PRMT3: variants seen among roughly 807,000 people sequenced by gnomAD.
PRMT3 encodes the protein protein arginine N-methyltransferase 3.
PRMT3 carries 62 observed loss-of-function variants against 71.9 expected under a neutral mutation model. The ratio of observed to expected loss-of-function variants is 0.86; its 90% CI spans 0.70 to 1.07. The LOEUF (loss-of-function observed/expected upper bound fraction) is 1.07. PRMT3 is among the 50% of genes least tolerant of loss of function. The pLI is 0.00. For synonymous variants in PRMT3, 213 were observed against 220.4 expected (o/e 0.97, Z 0.30); for missense variants, 663 against 643.0 (o/e 1.03, Z -0.34).
chr11:20,413,583 G>A (rs1002760356), intron 9 of PRMT3, among the ~76,000 whole-genome samples: 1 of 152,064 alleles, frequency 6.6e-6, no homozygotes, highest in African/African-American at 2.4e-5. Flanking sequence ...TATTAGTAGT[G>A]GTCATCTGTT....
intron 15 of PRMT3, among the ~76,000 whole-genome samples, chr11:20,504,378 CA>C (rs1002831338): frequency 2.3e-4 from 35 of 152,236 alleles, no homozygotes; most frequent in African/African-American, 7.7e-4. Context: ...GCCTTTAAGA[CA>C]GTCTTTATAA....
intron 10 of PRMT3, among the ~76,000 whole-genome samples, chr11:20,439,417 C>T (rs1170904109): frequency 6.6e-6 from 1 of 152,250 alleles, no homozygotes; most frequent in East Asian, 1.9e-4. Context: ...TTGTGCTCAC[C>T]AGCGTTTCTG....
chr11:20,502,937 C>G (rs1851492567), intron 15 of PRMT3, among the ~76,000 whole-genome samples: 1 of 151,994 alleles, frequency 6.6e-6, no homozygotes, highest in South Asian at 2.1e-4. Context: ...TCAGAGCAAT[C>G]ACGTTTTGGT....
At chr11:20,412,971 T>G (rs1033327816) in intron 9 of PRMT3, among the ~76,000 whole-genome samples, 1 of 152,164 alleles carries the variant, frequency 6.6e-6, no homozygotes, top group African/African-American at 2.4e-5. Flanking sequence ...CCAGGCAGCC[T>G]GACTCCATAG....
chr11:20,411,770 A>G (rs1849197714), intron 9 of PRMT3, among the ~76,000 whole-genome samples: 1 of 152,154 alleles, frequency 6.6e-6, no homozygotes, highest in Admixed American at 6.6e-5. Context: ...GCTTTTGCAA[A>G]AAATAATCAC....
intron 2 of PRMT3, 132 bp from the exon 3 acceptor site, chr11:20,389,612 G>T (rs963020306): frequency 4.1e-5 from 23 of 559,498 alleles, no homozygotes; most frequent in African/African-American, 3.5e-4. Flanking sequence ...AAGTGTGTTT[G>T]TTTTTTCTTA....
Position 20,509,068 on chromosome 11 carries a change from T to C in PRMT3, c.*655T>C, listed in dbSNP as rs567410000. On this transcript the variant is annotated 3_prime_UTR_variant, in exon 16 of 16. Coordinates refer to ENST00000331079, the MANE Select transcript of PRMT3 (RefSeq NM_005788.4). Reference sequence around the variant, plus strand: ...TTCTAGTACTGCCCAGGAAATCTAATTTCAATACATTTATCCTAGGTTTCA... The same window carrying C: ...TTCTAGTACTGCCCAGGAAATCTAACTTCAATACATTTATCCTAGGTTTCA... The C allele has an allele frequency of 6.5e-6, 1 of 153,220 alleles. No individual in the cohort carries two copies. The highest frequency in any genetic ancestry group is 1.9e-4 in the East Asian group (1 of 5,218). 9.5% of individuals were successfully genotyped at this position (153,220 alleles called of 1,614,324 possible).
intron 15 of PRMT3, among the ~76,000 whole-genome samples, chr11:20,501,952 C>CT (rs1360870144): frequency 6.6e-6 from 1 of 152,070 alleles, no homozygotes; most frequent in Non-Finnish European, 1.5e-5. Context: ...TTTTTAAACT[C>CT]TAAGCTTTGA....
chr11:20,480,566 A>G (rs1467124659), intron 13 of PRMT3, among the ~76,000 whole-genome samples: 1 of 152,054 alleles, frequency 6.6e-6, no homozygotes, highest in Admixed American at 6.6e-5. Flanking sequence ...TTGTGATCAG[A>G]AGGGCCCTTT....
At chr11:20,397,125 G>A (rs1848843331) in intron 6 of PRMT3, among the ~76,000 whole-genome samples, 1 of 152,174 alleles carries the variant, frequency 6.6e-6, no homozygotes, top group African/African-American at 2.4e-5. Flanking sequence ...TAGAGCTGGA[G>A]TGGGCGGTGC....
chr11:20,398,655 G>A (rs1590033486), intron 7 of PRMT3, among the ~76,000 whole-genome samples: 5 of 152,186 alleles, frequency 3.3e-5, no homozygotes, highest in African/African-American at 7.2e-5. Flanking sequence ...GGGTTTCACC[G>A]TAATGCCATA....
At position 20,508,430 on chromosome 11, in the gene PRMT3, C is replaced by G; in HGVS notation, c.*17C>G. On this transcript the variant is annotated 3_prime_UTR_variant, in exon 16 of 16. Transcript: ENST00000331079. ...CTCCAGTGAAACAGCCATAAAAGCACACTACCTTGTAGTTTTTAATGTGGG... is the reference window on the plus strand; with the variant it reads ...CTCCAGTGAAACAGCCATAAAAGCAGACTACCTTGTAGTTTTTAATGTGGG... 1.3e-6 allele frequency: 2 copies of G among 1,547,952 alleles called. No homozygotes were observed. Among genetic ancestry groups the G allele is most frequent in the Non-Finnish European group, 1.8e-6 (2 of 1,120,016 alleles).
chr11:20,432,767 T>A (rs1057272784), intron 10 of PRMT3, among the ~76,000 whole-genome samples: 3 of 152,194 alleles, frequency 2.0e-5, no homozygotes, highest in African/African-American at 4.8e-5. Context: ...TGAAATAATA[T>A]CACATTATAA....
At chr11:20,403,040 AT>A (rs1165208477) in intron 8 of PRMT3, 56 bp downstream of exon 8, 2 of 1,311,538 alleles carry the variant, frequency 1.5e-6, no homozygotes, top group African/African-American at 1.5e-5. Context: ...GGCAGTAGAA[AT>A]CCTCTCTTGG....
intron 13 of PRMT3, among the ~76,000 whole-genome samples, chr11:20,466,407 C>T (rs914815957): frequency 6.6e-6 from 1 of 152,022 alleles, no homozygotes; most frequent in Non-Finnish European, 1.5e-5. Context: ...CCACTGACAA[C>T]CCCAGATGAA....
At chr11:20,484,015 T>C (rs1156299290) in intron 13 of PRMT3, among the ~76,000 whole-genome samples, 2 of 152,196 alleles carry the variant, frequency 1.3e-5, no homozygotes, top group African/African-American at 4.8e-5. Flanking sequence ...TTGGGACAGG[T>C]TGACCATATC....
intron 13 of PRMT3, among the ~76,000 whole-genome samples, chr11:20,472,492 A>G (rs1212768604): frequency 2.6e-5 from 4 of 152,156 alleles, no homozygotes; most frequent in Non-Finnish European, 4.4e-5. Context: ...TTTGTGATGA[A>G]TCACATTTAT....
chr11:20,395,104 A>G (rs1848796417), intron 5 of PRMT3, among the ~76,000 whole-genome samples: 1 of 152,214 alleles, frequency 6.6e-6, no homozygotes, highest in South Asian at 2.1e-4. Flanking sequence ...AGGGATAAAT[A>G]CATCTTAACT....
At chr11:20,476,212 G>T (rs1451090245) in intron 13 of PRMT3, among the ~76,000 whole-genome samples, 1 of 151,686 alleles carries the variant, frequency 6.6e-6, no homozygotes, top group Non-Finnish European at 1.5e-5. Context: ...TATTAGCCAG[G>T]CGTGATGGCA....
Sources: allele counts gnomAD v4.1 joint callset (sites outside exome capture counted in the v4.1 genomes callset), GRCh38; gene constraint gnomAD v4.1.1; transcripts MANE v1.5; gene names NCBI Gene and HGNC (gene_info 2026-07-23, HGNC 2026-07-21).